Variants in RIMS2 observed in about 807,000 individuals in gnomAD.
RIMS2 encodes regulating synaptic membrane exocytosis 2.
Under a neutral mutation model 174.4 loss-of-function variants are expected in RIMS2, and 59 were observed. The ratio of observed to expected loss-of-function variants is 0.34; its 90% CI spans 0.27 to 0.42. RIMS2 has a LOEUF of 0.42. RIMS2 is among the 10% of genes least tolerant of loss of function. The probability of loss-of-function intolerance (pLI) is 1.00; values close to 1 mark genes in which losing one functional copy is unlikely to be tolerated. For missense variants in RIMS2, 1,620 were observed against 1,666.3 expected (o/e 0.97, Z 0.48); for synonymous variants, 606 against 572.5 (o/e 1.06, Z -0.84).
At chr8:103,757,010 T>TGTGTGTGA (rs1458679084) in intron 2 of RIMS2, among the ~76,000 whole-genome samples, 17 of 114,294 alleles carry the variant, frequency 1.5e-4, no homozygotes, top group Non-Finnish European at 1.7e-4. Context: ...TGTGTGTGTG[T>TGTGTGTGA]GAGAGAGAGA....
At chr8:104,210,241 A>AT (rs2099099521) in intron 19 of RIMS2, among the ~76,000 whole-genome samples, 1 of 152,220 alleles carries the variant, frequency 6.6e-6, no homozygotes, top group Non-Finnish European at 1.5e-5. Flanking sequence ...CTTTTTTACA[A>AT]TTACAGAAGG....
intron 2 of RIMS2, among the ~76,000 whole-genome samples, chr8:103,719,008 A>C (rs1430851877): frequency 6.6e-6 from 1 of 152,194 alleles, no homozygotes; most frequent in Non-Finnish European, 1.5e-5. Flanking sequence ...AGACTGGAAA[A>C]ATATAAAATA....
At chr8:104,053,445 C>A (rs182909773) in intron 19 of RIMS2, among the ~76,000 whole-genome samples, 1 of 152,266 alleles carries the variant, frequency 6.6e-6, no homozygotes, top group East Asian at 1.9e-4. Context: ...ATTATATCTT[C>A]TCTTGGGAGA....
intron 17 of RIMS2, among the ~76,000 whole-genome samples, chr8:103,994,527 T>A (rs1267285744): frequency 6.6e-6 from 1 of 152,210 alleles, no homozygotes; most frequent in Non-Finnish European, 1.5e-5. Context: ...TGCATACTTA[T>A]TGCTCAAATT....
intron 3 of RIMS2, among the ~76,000 whole-genome samples, chr8:103,827,440 T>C (rs547428381): frequency 6.6e-6 from 1 of 152,358 alleles, no homozygotes; most frequent in South Asian, 2.1e-4. Context: ...CCAGTATTTA[T>C]GCTTTTTATT....
chr8:104,023,138 A>C (rs888130527), intron 19 of RIMS2, among the ~76,000 whole-genome samples: 7 of 152,138 alleles, frequency 4.6e-5, no homozygotes, highest in African/African-American at 1.7e-4. Context: ...CATTTCGTGG[A>C]TATGTTAAAG....
intron 3 of RIMS2, among the ~76,000 whole-genome samples, chr8:103,777,220 G>C (rs894692479): frequency 3.3e-5 from 5 of 151,920 alleles, no homozygotes; most frequent in African/African-American, 1.2e-4. Flanking sequence ...AAGAAAAAAG[G>C]AGAAAGAATT....
intron 19 of RIMS2, among the ~76,000 whole-genome samples, chr8:104,223,089 A>C (rs1250772786): frequency 1.3e-5 from 2 of 152,194 alleles, no homozygotes; most frequent in African/African-American, 4.8e-5. Flanking sequence ...CCAGAAATTT[A>C]CCGGTTTACT....
At chr8:103,576,553 T>C (rs886985789) in intron 1 of RIMS2, among the ~76,000 whole-genome samples, 1 of 152,102 alleles carries the variant, frequency 6.6e-6, no homozygotes, top group Non-Finnish European at 1.5e-5. Context: ...AAATACCAGT[T>C]TTAAGGAATC....
chr8:103,827,622 G>A (rs1441504743), intron 3 of RIMS2, among the ~76,000 whole-genome samples: 1 of 152,160 alleles, frequency 6.6e-6, no homozygotes, highest in African/African-American at 2.4e-5. Context: ...AGATCACGAG[G>A]TCAGGAGTTT....
intron 2 of RIMS2, among the ~76,000 whole-genome samples, chr8:103,734,878 G>A (rs1274934208): frequency 6.6e-6 from 1 of 151,926 alleles, no homozygotes; most frequent in Non-Finnish European, 1.5e-5. Flanking sequence ...CTGAAATACT[G>A]GAGGGTTCTT....
intron 2 of RIMS2, among the ~76,000 whole-genome samples, chr8:103,758,909 TA>T (rs2098069895): frequency 6.6e-6 from 1 of 152,222 alleles, no homozygotes; most frequent in Non-Finnish European, 1.5e-5. Context: ...ACTATAATTT[TA>T]ATTGGATGAA....
intron 1 of RIMS2, among the ~76,000 whole-genome samples, chr8:103,583,546 A>T (rs1167425161): frequency 1.3e-5 from 2 of 152,154 alleles, no homozygotes; most frequent in African/African-American, 4.8e-5. Context: ...ATCAAAGATA[A>T]CACAGAGAAG....
chr8:104,117,915 T>G (rs1001910718), intron 19 of RIMS2, among the ~76,000 whole-genome samples: 4 of 152,218 alleles, frequency 2.6e-5, no homozygotes, highest in Non-Finnish European at 5.9e-5. Context: ...AAGGCAATTC[T>G]TAAGCGTTGA....
At chr8:103,570,917 A>T (rs755318181) in intron 1 of RIMS2, among the ~76,000 whole-genome samples, 11 of 152,174 alleles carry the variant, frequency 7.2e-5, no homozygotes, top group Non-Finnish European at 1.3e-4. Flanking sequence ...GTATTTATTG[A>T]CAAAAGCTAT....
rs761603621 is a variant in RIMS2, at chr8:103,989,298, G to GT, written c.2928-3dup. The GT allele has an allele frequency of 2.4e-5, 37 of 1,524,104 alleles. No homozygotes were observed. Among genetic ancestry groups the GT allele is most frequent in the Non-Finnish European group, 3.0e-5 (33 of 1,099,072 alleles). The allele number at this position is 1,524,104 out of a possible 1,614,324, so 94.4% of individuals were successfully genotyped here. On this transcript the variant is annotated splice_region_variant and splice_polypyrimidine_tract_variant and intron_variant, in intron 16 of 23. Coordinates refer to ENST00000504942, the Ensembl canonical transcript of RIMS2. ...ACTAAGATATTGAATAGATCTTGTTGTTTTAGTCGGAATGTGGAACAGGGG... is the reference window on the plus strand; with the variant it reads ...ACTAAGATATTGAATAGATCTTGTTGTTTTTAGTCGGAATGTGGAACAGGGG...
chr8:103,515,142 C>A (rs891703208), intron 1 of RIMS2, among the ~76,000 whole-genome samples: 7 of 152,040 alleles, frequency 4.6e-5, no homozygotes, highest in African/African-American at 1.7e-4. Context: ...TCCATTTGAA[C>A]TTTAAAAACA....
chr8:103,700,615 A>G (rs1381870351), intron 2 of RIMS2, among the ~76,000 whole-genome samples: 1 of 151,842 alleles, frequency 6.6e-6, no homozygotes, highest in Non-Finnish European at 1.5e-5. Flanking sequence ...TGTTTATAAA[A>G]TTTACGTTTA....
intron 19 of RIMS2, among the ~76,000 whole-genome samples, chr8:104,091,422 C>G (rs12156287): frequency 0.17 from 26,071 of 151,190 alleles, 2,398 homozygotes; most frequent in South Asian, 0.33. Flanking sequence ...AAAAGTCTCC[C>G]ATACGGAGTA....
Sources: gnomAD v4.1 joint callset for allele counts (sites outside exome capture counted in the v4.1 genomes callset) on GRCh38, gnomAD v4.1.1 for gene constraint, MANE v1.5 for transcripts, NCBI Gene and HGNC (gene_info 2026-07-23, HGNC 2026-07-21) for gene names.